The following MN1 variants were observed in gnomAD, a reference collection of about 807,000 sequenced individuals.
MN1 encodes transcriptional activator MN1.
In MN1, 19 loss-of-function variants were observed where a neutral mutation model predicts 86.9. The observed-to-expected ratio is 0.22, with a 90% confidence interval of 0.15 to 0.32. The LOEUF is 0.32. Among genes scored for constraint, MN1 ranks in the 10% least tolerant of loss-of-function variants. The pLI, the probability that MN1 is intolerant of heterozygous loss-of-function variation, is 1.00. For synonymous variants in MN1, 928 were observed against 849.6 expected (o/e 1.09, Z -1.60); for missense variants, 1,841 against 1,862.0 (o/e 0.99, Z 0.21).
chr22:27,794,217 G>A lies in MN1; in HGVS notation c.3781+2546C>T, dbSNP rs182377196. ...AGCTCTGTGTACCTATTTATACAAC[G>A]TGTGCAGATGGAACTACAGGGTGTT... On this transcript the variant is annotated intron_variant, in intron 1 of 1. Coordinates refer to ENST00000302326, the MANE Select transcript of MN1 (RefSeq NM_002430.3). Among the ~76,000 whole-genome samples, 63 of 152,276 alleles carry A rather than the reference G, an allele frequency of 4.1e-4. 1 individual carries two copies. The South Asian group carries it at 8.1e-3, about 20-fold the overall frequency.
intron 1 of MN1, among the ~76,000 whole-genome samples, chr22:27,780,143 C>A (rs1279335315): frequency 6.6e-6 from 1 of 152,192 alleles, no homozygotes; most frequent in Non-Finnish European, 1.5e-5. Flanking sequence ...AGATGAAGCA[C>A]CGTTCAATGC....
intron 1 of MN1, among the ~76,000 whole-genome samples, chr22:27,773,109 C>A (rs1239462676): frequency 6.6e-6 from 1 of 151,878 alleles, no homozygotes; most frequent in Non-Finnish European, 1.5e-5. Flanking sequence ...ACTCCCATCC[C>A]CTACCCAGCC....
rs116974444 is a variant in MN1 at position 27,754,978 on chromosome 22, C to T, written c.3782-3882G>A. Among the ~76,000 whole-genome samples, 27 of 152,312 alleles carry T rather than the reference C, an allele frequency of 1.8e-4. No individual in the cohort carries two copies. In the East Asian group the frequency reaches 5.0e-3, roughly 28 times the overall value. ...TTGGTCTGTTCACCCCCCGACCCTG[C>T]ACACACCAGGCCCTCAGTTGGGTCC... is the stretch of plus-strand genomic sequence containing the variant. On this transcript the variant is annotated intron_variant, in intron 1 of 1. Coordinates refer to ENST00000302326, the MANE Select transcript of MN1 (RefSeq NM_002430.3).
At position 27,766,826 on chromosome 22, in the gene MN1, G is replaced by A. The variant is rs149455315; in HGVS notation, c.3782-15730C>T. ...AAAGCCAGCACCAGACCCCCTCCTC[G>A]TCCCGAAGGCTTCACCATGGAGTTT... is the stretch of plus-strand genomic sequence containing the variant. On this transcript the variant is annotated intron_variant, in intron 1 of 1. Coordinates refer to ENST00000302326, the MANE Select transcript of MN1 (RefSeq NM_002430.3). Among the ~76,000 whole-genome samples the A allele has an allele frequency of 5.4e-3, 817 of 152,192 alleles. 3 individuals are homozygous for A. Among genetic ancestry groups the A allele is most frequent in the African/African-American group, 0.018 (762 of 41,514 alleles).
intron 1 of MN1, among the ~76,000 whole-genome samples, chr22:27,791,202 C>T (rs543142921): frequency 3.9e-5 from 6 of 152,066 alleles, no homozygotes; most frequent in Admixed American, 1.3e-4. Context: ...GAGCTTCCAC[C>T]CACCTCAGCT....
Position 27,749,063 on chromosome 22 carries a change from A to G in MN1, c.*1852T>C, listed in dbSNP as rs1932732183. On this transcript the variant is annotated 3_prime_UTR_variant, in exon 2 of 2. Transcript: ENST00000302326. ...TCACACCTTTCTCGCTGATCAATTC[A>G]TGCCACCTGCTTTGTCTGCCCTCTG... 1 of 231,588 alleles carries G rather than the reference A, an allele frequency of 4.3e-6. No individual in the cohort carries two copies. Among genetic ancestry groups the G allele is most frequent in the Non-Finnish European group, 8.5e-6 (1 of 117,068 alleles). The allele number at this position is 231,588 out of a possible 1,614,324, so 14.3% of individuals were successfully genotyped here.
intron 1 of MN1, among the ~76,000 whole-genome samples, chr22:27,758,945 CCTCCCAAGTAG>C (rs1932817488): frequency 6.6e-6 from 1 of 152,202 alleles, no homozygotes; most frequent in Non-Finnish European, 1.5e-5. Flanking sequence ...CCCACCTCAG[CCTCCCAAGTAG>C]CTGGGACTAC....
chr22:27,754,163 C>T (rs576214121), intron 1 of MN1, among the ~76,000 whole-genome samples: 1 of 152,296 alleles, frequency 6.6e-6, no homozygotes, highest in East Asian at 1.9e-4. Flanking sequence ...ACACACCGGG[C>T]AGAGGAAGCT....
rs1568980753 is a variant in MN1, at chr22:27,792,348, ATAT to A, written c.3781+4412_3781+4414del. On this transcript the variant is annotated intron_variant, in intron 1 of 1. Transcript: ENST00000302326. Reference sequence around the variant, plus strand: ...TATATATATATATATATATATATATATATGAATATATAAATATATTTTGCATAT... The same window carrying A: ...TATATATATATATATATATATATATAGAATATATAAATATATTTTGCATAT... Among the ~76,000 whole-genome samples, 1,039 of 140,334 alleles carry A rather than the reference ATAT, an allele frequency of 7.4e-3. 13 individuals are homozygous for A. Among genetic ancestry groups the A allele is most frequent in the South Asian group, 0.058 (255 of 4,404 alleles). The allele number at this position is 140,334 out of a possible 152,430, so 92.1% of individuals were successfully genotyped here.
At chr22:27,753,772 G>A (rs564743398) in intron 1 of MN1, among the ~76,000 whole-genome samples, 1 of 152,268 alleles carries the variant, frequency 6.6e-6, no homozygotes, top group African/African-American at 2.4e-5. Flanking sequence ...AACATGGCAG[G>A]CCCTGGATTC....
chr22:27,790,289 C>T (rs546460758), intron 1 of MN1, among the ~76,000 whole-genome samples: 2 of 152,238 alleles, frequency 1.3e-5, no homozygotes, highest in Non-Finnish European at 2.9e-5. Context: ...CCCCCTGAAG[C>T]GCACACTTGG....
chr22:27,776,730 T>C (rs941307618), intron 1 of MN1, among the ~76,000 whole-genome samples: 4 of 151,860 alleles, frequency 2.6e-5, no homozygotes, highest in African/African-American at 9.7e-5. Context: ...GAAGCATACA[T>C]GCCCCCCCTC....
At position 27,800,221 on chromosome 22, in the gene MN1, TG is replaced by T; in HGVS notation, c.322del (p.His108ThrfsTer115). The stretch of plus-strand genomic sequence containing the variant: ...GCCCCCAAAGTGGGGGTGATGCTGG[TG>T]GGGATGATGACTTCCCGGGTGGCCG... The part of the protein sequence containing the change: ...HHGHPGSHHP[H>X]QHHPHFGGNF... On this transcript the variant is annotated frameshift_variant, in exon 1 of 2. Coordinates refer to ENST00000302326, the MANE Select transcript of MN1 (RefSeq NM_002430.3). LOFTEE classifies it high-confidence loss of function. The T allele has an allele frequency of 6.3e-7, 1 of 1,580,648 alleles. No homozygotes were observed. Among genetic ancestry groups the T allele is most frequent in the Non-Finnish European group, 8.6e-7 (1 of 1,164,584 alleles).
At chr22:27,784,743 G>T (rs1933099780) in intron 1 of MN1, among the ~76,000 whole-genome samples, 1 of 152,104 alleles carries the variant, frequency 6.6e-6, no homozygotes, top group Non-Finnish European at 1.5e-5. Flanking sequence ...TTAGTACTGG[G>T]ACAACCAGGC....
chr22:27,786,991 T>G (rs1305587401), intron 1 of MN1, among the ~76,000 whole-genome samples: 1 of 152,232 alleles, frequency 6.6e-6, no homozygotes, highest in Admixed American at 6.5e-5. Context: ...CTAACAGGAT[T>G]ACAAATTCGG....
chr22:27,786,301 A>G (rs1933131721), intron 1 of MN1, among the ~76,000 whole-genome samples: 1 of 152,200 alleles, frequency 6.6e-6, no homozygotes, highest in Non-Finnish European at 1.5e-5. Context: ...TCCCCTTTAC[A>G]GACTCAGTGT....
chr22:27,765,972 C>A (rs1354298280), intron 1 of MN1, among the ~76,000 whole-genome samples: 2 of 152,112 alleles, frequency 1.3e-5, no homozygotes, highest in Non-Finnish European at 2.9e-5. Flanking sequence ...GGCAACCACC[C>A]TAGGGTCCCG....
chr22:27,771,497 G>T (rs958919613), intron 1 of MN1, among the ~76,000 whole-genome samples: 1 of 151,874 alleles, frequency 6.6e-6, no homozygotes, highest in Non-Finnish European at 1.5e-5. Context: ...GAAGTGCTAG[G>T]ATTATAAGCG....
intron 1 of MN1, among the ~76,000 whole-genome samples, chr22:27,774,406 C>T (rs896595404): frequency 6.6e-6 from 1 of 152,198 alleles, no homozygotes; most frequent in African/African-American, 2.4e-5. Flanking sequence ...AGAGGGAGCA[C>T]AGAGAGGTGA....
Sources: allele counts gnomAD v4.1 joint callset (sites outside exome capture counted in the v4.1 genomes callset), GRCh38; gene constraint gnomAD v4.1.1; transcripts MANE v1.5; gene names NCBI Gene and HGNC (gene_info 2026-07-23, HGNC 2026-07-21).